POLQ: variants seen among roughly 807,000 people sequenced by gnomAD.
POLQ encodes the protein epididymis secretory sperm binding protein.
POLQ carries 233 observed loss-of-function variants against 259.2 expected under a neutral mutation model. The observed-to-expected ratio is 0.90, with a 90% CI of 0.81 to 1.00. The LOEUF (loss-of-function observed/expected upper bound fraction) is 1.00, where lower values mean the gene tolerates loss of function less well. Ranked by LOEUF, POLQ falls within the 50% of genes least tolerant of loss-of-function variation. POLQ has a pLI of 0.00. For synonymous variants in POLQ, 1,025 were observed against 1,048.8 expected (o/e 0.98, Z 0.44); for missense variants, 2,871 against 3,051.6 (o/e 0.94, Z 1.39).
rs968331981 is a variant in POLQ at position 121,509,704 on chromosome 3, CT to C, written c.1817-2del. 8 of 1,611,862 alleles carry C rather than the reference CT, an allele frequency of 5.0e-6. No individual in the cohort carries two copies. Among genetic ancestry groups the C allele is most frequent in the Non-Finnish European group, 6.8e-6 (8 of 1,179,086 alleles). ...AGATGTGTTGGATGATACACCTTTC[CT>C]GGTTTAGGGTTAGGGTGAGGAAACA... On this transcript the variant is annotated splice_acceptor_variant, in intron 11 of 29. Transcript: ENST00000264233. LOFTEE classifies it high-confidence loss of function.
chr3:121,499,267 CT>C (rs34141063), intron 12 of POLQ, among the ~76,000 whole-genome samples: 82,254 of 135,518 alleles, frequency 0.61, 24,184 homozygotes, highest in South Asian at 0.83. Context: ...GAACCCAAGT[CT>C]TTTTTTTTTT....
intron 20 of POLQ, among the ~76,000 whole-genome samples, chr3:121,475,395 A>C (rs1259849840): frequency 1.3e-5 from 2 of 152,236 alleles, no homozygotes; most frequent in African/African-American, 4.8e-5. Context: ...TGACAGGATG[A>C]AATACAAATT....
chr3:121,533,879 A>T (rs1391216633), intron 5 of POLQ, among the ~76,000 whole-genome samples: 1 of 148,868 alleles, frequency 6.7e-6, no homozygotes, highest in African/African-American at 2.5e-5. Context: ...GCATCACTTC[A>T]TGTGTATGAA....
intron 9 of POLQ, among the ~76,000 whole-genome samples, chr3:121,514,155 C>G (rs1214460678): frequency 2.0e-5 from 3 of 148,186 alleles, no homozygotes; most frequent in African/African-American, 7.5e-5. Flanking sequence ...ATGGTGAAAC[C>G]CCATCTCTAC....
intron 25 of POLQ, among the ~76,000 whole-genome samples, chr3:121,452,633 A>C (rs1187750280): frequency 6.6e-6 from 1 of 151,986 alleles, no homozygotes; most frequent in Admixed American, 6.6e-5. Context: ...GAGTCTATTA[A>C]ATAGAAGCAG....
At chr3:121,446,673 T>C (rs547910201) in intron 26 of POLQ, among the ~76,000 whole-genome samples, 106 of 152,320 alleles carry the variant, frequency 7.0e-4, no homozygotes, top group Middle Eastern at 3.4e-3. Flanking sequence ...AAAGGAGTAT[T>C]ATATAATGTA....
chr3:121,522,293 T>C, intron 7 of POLQ, 144 bp from the exon 8 acceptor site: 1 of 189,840 alleles, frequency 5.3e-6, no homozygotes, highest in South Asian at 1.8e-4. Flanking sequence ...TCTTTTTTTT[T>C]TTTTTTTTTT....
rs1411770314 is a variant in POLQ, at chr3:121,493,607, C to T, written c.2393G>A (p.Arg798Gln). ...TCTCTGAGCATTTAGTAAGGATACC[C>T]GAACCAGGTCACACAGCTCCCTCTG... ...GIQRELCDLV[R>Q]VSLLNAQRAR... The change falls in exon 15 of 30, where the codon CGG (arginine) becomes CAG (glutamine). Residue 798 changes from arginine to glutamine, a missense_variant. Arg to Gln is a conservative substitution (Grantham distance 43). Transcript: ENST00000264233. 5 of 1,614,104 alleles carry T rather than the reference C, an allele frequency of 3.1e-6. No homozygotes were observed. The highest frequency in any genetic ancestry group is 2.2e-5 in the South Asian group (2 of 91,068).
chr3:121,497,805 C>A lies in POLQ; in HGVS notation c.2153+672G>T, dbSNP rs183225027. On this transcript the variant is annotated intron_variant, in intron 13 of 29. Coordinates refer to ENST00000264233, the MANE Select transcript of POLQ (RefSeq NM_199420.4). ...TTCCACCTGAATCTTTTAATTAGCTCTTCTCCTCTATTGGTAATGAATCAC... is the reference window on the plus strand; with the variant it reads ...TTCCACCTGAATCTTTTAATTAGCTATTCTCCTCTATTGGTAATGAATCAC... Among the ~76,000 whole-genome samples, 710 of 152,308 alleles carry A rather than the reference C, an allele frequency of 4.7e-3. 9 individuals are homozygous for A. Among genetic ancestry groups the A allele is most frequent in the African/African-American group, 0.016 (662 of 41,550 alleles).
chr3:121,435,622 C>T lies in POLQ; in HGVS notation c.7543+500G>A, dbSNP rs2047537390. 3.3e-5 allele frequency among the ~76,000 whole-genome samples: 5 copies of T among 152,212 alleles called. No homozygotes were observed. The South Asian group carries it at 8.3e-4, about 25-fold the overall frequency. On this transcript the variant is annotated intron_variant, in intron 28 of 29. Transcript: ENST00000264233. ...AAATTCCACATCCTGGGAAACTCATCCGTCTCCCACAAATTGAGACATGCA... is the reference window on the plus strand; with the variant it reads ...AAATTCCACATCCTGGGAAACTCATTCGTCTCCCACAAATTGAGACATGCA...
At chr3:121,455,046 T>C (rs1286790030) in intron 25 of POLQ, among the ~76,000 whole-genome samples, 1 of 151,950 alleles carries the variant, frequency 6.6e-6, no homozygotes, top group African/African-American at 2.4e-5. Flanking sequence ...CAGACCACAG[T>C]GCAATCAAAC....
chr3:121,444,034 G>T (rs2047613864), intron 26 of POLQ, among the ~76,000 whole-genome samples: 1 of 151,144 alleles, frequency 6.6e-6, no homozygotes, highest in Non-Finnish European at 1.5e-5. Flanking sequence ...CTCCAGTTTT[G>T]TTCTTTTTGC....
At chr3:121,458,896 A>G (rs2047766784) in intron 25 of POLQ, among the ~76,000 whole-genome samples, 1 of 152,196 alleles carries the variant, frequency 6.6e-6, no homozygotes, top group African/African-American at 2.4e-5. Context: ...CCACACACAC[A>G]CACAAAAACT....
At chr3:121,432,897 A>G (rs781029269) in intron 29 of POLQ, 21 bp downstream of exon 29, 2 of 1,299,764 alleles carry the variant, frequency 1.5e-6, no homozygotes, top group East Asian at 4.6e-5. Flanking sequence ...TATGGAATGG[A>G]CACAAGCATT....
intron 9 of POLQ, among the ~76,000 whole-genome samples, chr3:121,518,530 G>A (rs2048314571): frequency 6.6e-6 from 1 of 152,176 alleles, no homozygotes; most frequent in African/African-American, 2.4e-5. Context: ...ATTATTTCGG[G>A]ATTCTGAATA....
At chr3:121,481,477 T>C in intron 19 of POLQ, 95 bp downstream of exon 19, 1 of 1,132,670 alleles carries the variant, frequency 8.8e-7, no homozygotes, top group Non-Finnish European at 1.3e-6. Context: ...AAGGTAGGAT[T>C]TGCATAAATG....
chr3:121,521,902 A>G (rs913169562), intron 8 of POLQ, 101 bp downstream of exon 8: 1 of 855,708 alleles, frequency 1.2e-6, no homozygotes, highest in African/African-American at 1.8e-5. Context: ...ATCTAAGGAC[A>G]TTAAGTGTGT....
intron 9 of POLQ, among the ~76,000 whole-genome samples, chr3:121,513,600 CAAAAAAAA>C (rs59962408): frequency 1.2e-4 from 6 of 51,572 alleles, no homozygotes; most frequent in Admixed American, 3.0e-4. Flanking sequence ...GACTCTATCT[CAAAAAAAA>C]AAAAAAAAAA....
chr3:121,453,443 A>G (rs2047698280), intron 25 of POLQ, among the ~76,000 whole-genome samples: 1 of 152,242 alleles, frequency 6.6e-6, no homozygotes, highest in Non-Finnish European at 1.5e-5. Context: ...AACTACTCCG[A>G]GCTACAGGAG....
Sources: allele counts gnomAD v4.1 joint callset (sites outside exome capture counted in the v4.1 genomes callset), GRCh38; gene constraint gnomAD v4.1.1; transcripts MANE v1.5; gene names NCBI Gene and HGNC (gene_info 2026-07-23, HGNC 2026-07-21).